Variants in NAALADL2 observed in about 807,000 individuals in gnomAD.
NAALADL2 encodes inactive N-acetylated-alpha-linked acidic dipeptidase-like protein 2.
NAALADL2 carries 76 observed loss-of-function variants against 87.2 expected under a neutral mutation model. That is an observed-to-expected ratio of 0.87 (90% confidence interval 0.72 to 1.05). NAALADL2 has a LOEUF of 1.05. Among genes scored for constraint, NAALADL2 ranks in the 50% least tolerant of loss-of-function variants. The pLI is 0.00. For missense variants in NAALADL2, 1,089 were observed against 945.8 expected (o/e 1.15, Z -1.99); for synonymous variants, 354 against 331.0 (o/e 1.07, Z -0.75).
At chr3:175,274,645 A>G (rs989374353) in intron 4 of NAALADL2, among the ~76,000 whole-genome samples, 5 of 152,106 alleles carry the variant, frequency 3.3e-5, no homozygotes, top group Non-Finnish European at 7.3e-5. Context: ...TGGGTCTTTA[A>G]TCATTGCTCA....
chr3:175,211,212 G>A (rs1164278560), intron 2 of NAALADL2, among the ~76,000 whole-genome samples: 1 of 151,830 alleles, frequency 6.6e-6, no homozygotes, highest in Non-Finnish European at 1.5e-5. Flanking sequence ...TATTGAAACT[G>A]CCTTGGAAAA....
rs774163306 is a variant in NAALADL2, at chr3:175,211,267, T to G, written c.546-22664T>G. Reference sequence around the variant, plus strand: ...ACTTCAGAATCTTTATTACGTTTTATGCACATGCTCAAAAATTCTCTTGGG... The same window carrying G: ...ACTTCAGAATCTTTATTACGTTTTAGGCACATGCTCAAAAATTCTCTTGGG... On this transcript the variant is annotated intron_variant, in intron 2 of 13. Coordinates refer to ENST00000454872, the MANE Select transcript of NAALADL2 (RefSeq NM_207015.3). Among the ~76,000 whole-genome samples the G allele has an allele frequency of 8.4e-4, 128 of 151,888 alleles. 1 individual carries two copies. Among genetic ancestry groups the G allele is most frequent in the Non-Finnish European group, 1.6e-3 (111 of 67,844 alleles).
At chr3:175,534,443 G>A (rs1255011638) in intron 9 of NAALADL2, among the ~76,000 whole-genome samples, 1 of 152,154 alleles carries the variant, frequency 6.6e-6, no homozygotes, top group Non-Finnish European at 1.5e-5. Flanking sequence ...GAGGTAGTCT[G>A]GGACTAGGCC....
chr3:175,793,142 T>G (rs1199086937), intron 13 of NAALADL2, among the ~76,000 whole-genome samples: 1 of 152,144 alleles, frequency 6.6e-6, no homozygotes, highest in East Asian at 1.9e-4. Flanking sequence ...CAAGTTAAAT[T>G]CATACCATGG....
intron 2 of NAALADL2, among the ~76,000 whole-genome samples, chr3:175,105,795 A>G (rs982478536): frequency 6.6e-6 from 1 of 151,914 alleles, no homozygotes; most frequent in African/African-American, 2.4e-5. Context: ...CTGGATGTCT[A>G]CTATATTCCA....
intron 4 of NAALADL2, among the ~76,000 whole-genome samples, chr3:175,323,367 T>G (rs1490577385): frequency 7.1e-6 from 1 of 141,354 alleles, no homozygotes; most frequent in Non-Finnish European, 1.5e-5. Flanking sequence ...AGGGATAGCA[T>G]TGGGAGATAT....
At chr3:175,101,159 T>G (rs962833203) in intron 2 of NAALADL2, among the ~76,000 whole-genome samples, 6 of 152,240 alleles carry the variant, frequency 3.9e-5, no homozygotes, top group Non-Finnish European at 7.3e-5. Context: ...CTGATTTGCA[T>G]TGAAGTGTTG....
intron 2 of NAALADL2, among the ~76,000 whole-genome samples, chr3:174,609,963 G>C (rs1440119527): frequency 6.6e-6 from 1 of 152,106 alleles, no homozygotes; most frequent in Admixed American, 6.6e-5. Context: ...TACCAAAAGA[G>C]AGATATAGAT....
chr3:175,093,835 C>G (rs1337745859), intron 1 of NAALADL2, among the ~76,000 whole-genome samples: 4 of 151,764 alleles, frequency 2.6e-5, no homozygotes, highest in Non-Finnish European at 5.9e-5. Context: ...AGGCAGATAT[C>G]CATCATAGTG....
chr3:175,335,456 G>C (rs1028837974), intron 5 of NAALADL2, among the ~76,000 whole-genome samples: 3 of 152,128 alleles, frequency 2.0e-5, no homozygotes, highest in African/African-American at 7.2e-5. Context: ...TTTACCATTT[G>C]AAAGTTGTAT....
intron 2 of NAALADL2, among the ~76,000 whole-genome samples, chr3:175,170,085 T>C (rs1385085727): frequency 6.6e-6 from 1 of 151,884 alleles, no homozygotes; most frequent in African/African-American, 2.4e-5. Context: ...TCTGTTTTTA[T>C]TAAGTAACTG....
chr3:175,704,604 A>G (rs755448668), intron 11 of NAALADL2, among the ~76,000 whole-genome samples: 4 of 152,090 alleles, frequency 2.6e-5, no homozygotes, highest in Admixed American at 1.3e-4. Flanking sequence ...AACCCCAGGT[A>G]TGTCCTCTCT....
intron 2 of NAALADL2, among the ~76,000 whole-genome samples, chr3:174,599,572 T>C (rs1434791964): frequency 2.0e-5 from 3 of 152,188 alleles, no homozygotes; most frequent in Admixed American, 6.5e-5. Flanking sequence ...TATCCTTCAA[T>C]GTCTTAAGCA....
chr3:175,013,730 C>T (rs1750458354), intron 1 of NAALADL2, among the ~76,000 whole-genome samples: 1 of 151,940 alleles, frequency 6.6e-6, no homozygotes, highest in Admixed American at 6.6e-5. Flanking sequence ...CTTTCTAGTC[C>T]ATCCAGAAGC....
chr3:175,620,720 G>T (rs986475117), intron 10 of NAALADL2, among the ~76,000 whole-genome samples: 1 of 152,164 alleles, frequency 6.6e-6, no homozygotes, highest in Non-Finnish European at 1.5e-5. Flanking sequence ...ACCTGGAACG[G>T]GTACATGTTG....
chr3:174,758,747 T>G (rs1174841030), intron 3 of NAALADL2, among the ~76,000 whole-genome samples: 3 of 152,238 alleles, frequency 2.0e-5, no homozygotes, highest in Non-Finnish European at 1.5e-5. Flanking sequence ...TTTGTTGAGC[T>G]TAGCAATCTT....
intron 2 of NAALADL2, among the ~76,000 whole-genome samples, chr3:174,640,642 G>C (rs938440): frequency 0.13 from 19,088 of 152,256 alleles, 1,298 homozygotes; most frequent in East Asian, 0.28. Context: ...GGCTTGGATA[G>C]AGCCAATCTG....
intron 1 of NAALADL2, among the ~76,000 whole-genome samples, chr3:174,965,122 G>A (rs1275274810): frequency 1.3e-5 from 2 of 152,128 alleles, no homozygotes; most frequent in African/African-American, 4.8e-5. Context: ...TGGGGCTGCA[G>A]TCACCTAAAG....
chr3:175,142,935 A>G (rs904025364), intron 2 of NAALADL2, among the ~76,000 whole-genome samples: 3 of 151,984 alleles, frequency 2.0e-5, no homozygotes, highest in Non-Finnish European at 4.4e-5. Context: ...ATAATGCATG[A>G]TCATGTAGAT....
Sources: allele counts gnomAD v4.1 joint callset (sites outside exome capture counted in the v4.1 genomes callset), GRCh38; gene constraint gnomAD v4.1.1; transcripts MANE v1.5; gene names NCBI Gene and HGNC (gene_info 2026-07-23, HGNC 2026-07-21).